Variants in P2RX5 observed in about 807,000 individuals in gnomAD.
P2RX5 encodes the protein purinergic receptor P2X 5, also known as P2X purinoceptor 5.
Under a neutral mutation model 54.1 loss-of-function variants are expected in P2RX5, and 46 were observed. That is an observed-to-expected ratio of 0.85 (90% CI 0.67 to 1.09). P2RX5 has a LOEUF of 1.09. Ranked by LOEUF, P2RX5 falls within the 50% of genes least tolerant of loss-of-function variation. The pLI is 0.00. For missense variants in P2RX5, 566 were observed against 549.8 expected (o/e 1.03, Z -0.29); for synonymous variants, 226 against 226.4 (o/e 1.00, Z 0.02).
Position 3,694,866 on chromosome 17 carries a change from A to G in P2RX5, c.137+1003T>C, listed in dbSNP as rs373835252. Among the ~76,000 whole-genome samples the G allele has an allele frequency of 4.8e-4, 73 of 152,270 alleles. No homozygotes were observed. The East Asian group carries it at 0.011, about 23-fold the overall frequency. ...TACACTGTGGGAAGGCCAGGGAGGAAGGGAGAGGGAGTTACTGGAAAGCCC... is the reference window on the plus strand; with the variant it reads ...TACACTGTGGGAAGGCCAGGGAGGAGGGGAGAGGGAGTTACTGGAAAGCCC... On this transcript the variant is annotated intron_variant, in intron 1 of 11. Transcript: ENST00000225328.
At chr17:3,709,517 C>CACAT in the P2RX5 span, among the ~76,000 whole-genome samples, 2 of 152,172 alleles carry the variant, frequency 1.3e-5, no homozygotes, top group Non-Finnish European at 2.9e-5. Context: ...GGCACAGTGG[C>CACAT]ACATGCCCTT....
chr17:3,680,016 C>T (rs2050200205), intron 10 of P2RX5, among the ~76,000 whole-genome samples: 1 of 150,982 alleles, frequency 6.6e-6, no homozygotes, highest in Non-Finnish European at 1.5e-5. Flanking sequence ...CGTCCTCCAC[C>T]CTGAGTCCTC....
intron 10 of P2RX5, among the ~76,000 whole-genome samples, chr17:3,680,947 G>A (rs1191256327): frequency 1.0e-3 from 106 of 103,384 alleles, no homozygotes; most frequent in African/African-American, 3.3e-3. Context: ...TCCACCCTGC[G>A]TCCTCCACCC....
intron 11 of P2RX5, chr17:3,676,472 TGTAA>T (rs2050107884): frequency 3.0e-6 from 3 of 984,158 alleles, no homozygotes; most frequent in Non-Finnish European, 3.6e-6. Flanking sequence ...CTTTGAATCA[TGTAA>T]GTATTACCCA....
chr17:3,690,017 G>T, intron 6 of P2RX5, 53 bp downstream of exon 6: 1 of 1,504,324 alleles, frequency 6.6e-7, no homozygotes, highest in Non-Finnish European at 9.3e-7. Context: ...GCCAGCCAAG[G>T]CCCCTCATCG....
chr17:3,689,974 GCA>G (rs2050564065), intron 6 of P2RX5, 94 bp downstream of exon 6: 1 of 1,072,466 alleles, frequency 9.3e-7, no homozygotes, highest in Non-Finnish European at 1.5e-6. Flanking sequence ...ACACACGCGC[GCA>G]CACACACCCC....
intron 1 of P2RX5, chr17:3,692,048 G>A (rs903110129): frequency 4.4e-5 from 23 of 527,292 alleles, no homozygotes; most frequent in Admixed American, 2.5e-4. Context: ...CCAGCCGGGC[G>A]CAGTGGCTCA....
At chr17:3,704,617 C>A in the P2RX5 span, among the ~76,000 whole-genome samples, 1 of 152,186 alleles carries the variant, frequency 6.6e-6, no homozygotes, top group Non-Finnish European at 1.5e-5. Flanking sequence ...TACTCAGTAC[C>A]CAGCGCCCAA....
intron 8 of P2RX5, 21 bp from the exon 9 acceptor site, chr17:3,688,126 G>C (rs2143000009): frequency 7.0e-7 from 1 of 1,436,774 alleles, no homozygotes; most frequent in Non-Finnish European, 9.7e-7. Context: ...CAGGGCCCAG[G>C]GGAGGCCTCA....
At chr17:3,688,873 C>T (rs2050523014) in intron 7 of P2RX5, 114 bp from the exon 8 acceptor site, 2 of 1,228,526 alleles carry the variant, frequency 1.6e-6, no homozygotes, top group Non-Finnish European at 2.4e-6. Flanking sequence ...GGCACGAGGT[C>T]AGCCCCTCGA....
chr17:3,684,040 C>G (rs1350916919), intron 9 of P2RX5, among the ~76,000 whole-genome samples: 1 of 152,380 alleles, frequency 6.6e-6, no homozygotes, highest in East Asian at 1.9e-4. Flanking sequence ...GCACTGACCA[C>G]TCCCATGGCT....
the P2RX5 span, among the ~76,000 whole-genome samples, chr17:3,704,289 G>T: frequency 6.6e-6 from 1 of 152,148 alleles, no homozygotes; most frequent in Non-Finnish European, 1.5e-5. Flanking sequence ...GTCATTCCGC[G>T]ATAAGGGGGC....
chr17:3,682,354 A>T (rs961434849), intron 9 of P2RX5: 17 of 358,020 alleles, frequency 4.7e-5, no homozygotes, highest in Middle Eastern at 2.0e-3. Flanking sequence ...CTGGTGCAGG[A>T]GACAGGCGTG....
At position 3,673,355 on chromosome 17, in the gene P2RX5, C is replaced by T; in HGVS notation, c.*513G>A. 1 of 1,015,004 alleles carries T rather than the reference C, an allele frequency of 9.9e-7. No homozygotes were observed. The highest frequency in any genetic ancestry group is 1.2e-6 in the Non-Finnish European group (1 of 846,320). 62.9% of individuals were successfully genotyped at this position (1,015,004 alleles called of 1,614,324 possible). ...TTCTGTGTACTGGCCTAAGGGCAAA[C>T]AGCTGGCAGGAAGGTGGTGTCTTTA... On this transcript the variant is annotated 3_prime_UTR_variant, in exon 12 of 12. Coordinates refer to ENST00000225328, the MANE Select transcript of P2RX5 (RefSeq NM_002561.4).
At chr17:3,708,929 T>G in the P2RX5 span, among the ~76,000 whole-genome samples, 1 of 152,000 alleles carries the variant, frequency 6.6e-6, no homozygotes, top group African/African-American at 2.4e-5. Context: ...TACTTAGAGA[T>G]GCACAGAATA....
At chr17:3,705,257 G>C in the P2RX5 span, among the ~76,000 whole-genome samples, 2 of 152,128 alleles carry the variant, frequency 1.3e-5, no homozygotes, top group Non-Finnish European at 2.9e-5. Context: ...TGAAACCCAC[G>C]TATCAAATAC....
At chr17:3,706,523 T>G in the P2RX5 span, among the ~76,000 whole-genome samples, 1 of 152,170 alleles carries the variant, frequency 6.6e-6, no homozygotes, top group Non-Finnish European at 1.5e-5. Context: ...TGTAACCAGA[T>G]GAACACACAC....
At chr17:3,702,305 T>C in the P2RX5 span, among the ~76,000 whole-genome samples, 76 of 145,746 alleles carry the variant, frequency 5.2e-4, 2 homozygotes, top group South Asian at 0.012. Context: ...GCATTCTATG[T>C]CTAGCTAAAG....
intron 11 of P2RX5, chr17:3,675,740 A>G (rs2050088178): frequency 1.5e-6 from 1 of 654,412 alleles, no homozygotes; most frequent in Non-Finnish European, 1.9e-6. Context: ...TTTAGTAGAG[A>G]TGGGGTTTTG....
Sources: allele counts gnomAD v4.1 joint callset (sites outside exome capture counted in the v4.1 genomes callset), GRCh38; gene constraint gnomAD v4.1.1; transcripts MANE v1.5; gene names NCBI Gene and HGNC (gene_info 2026-07-23, HGNC 2026-07-21).